SHANK1: variants seen among roughly 807,000 people sequenced by gnomAD.
SHANK1 encodes SH3 and multiple ankyrin repeat domains protein 1.
SHANK1 carries 35 observed loss-of-function variants against 165.6 expected under a neutral mutation model. That is an observed-to-expected ratio of 0.21 (90% CI 0.16 to 0.28). The LOEUF (loss-of-function observed/expected upper bound fraction) is 0.28. SHANK1 is among the 10% of genes least tolerant of loss of function. The probability of loss-of-function intolerance (pLI) is 1.00; values close to 1 mark genes in which losing one functional copy is unlikely to be tolerated. For synonymous variants in SHANK1, 1,428 were observed against 1,384.8 expected (o/e 1.03, Z -0.69); for missense variants, 2,681 against 3,036.4 (o/e 0.88, Z 2.75).
In SHANK1 at chr19:50,697,033, G is replaced by GT. The variant is rs1986762850; in HGVS notation, c.1964+62_1964+63insA. ...TCTGGTCGTGCACACACGTTCACAC[G>GT]CCCCCCAGGCACCCCGTCCTTCCCC... On this transcript the variant is annotated intron_variant, in intron 15 of 23. Coordinates refer to ENST00000293441, the MANE Select transcript of SHANK1 (RefSeq NM_016148.5). The surrounding 1 kb of genome is among the most constrained non-coding windows in gnomAD (Gnocchi z 4.7). 2 of 1,302,716 alleles carry GT rather than the reference G, an allele frequency of 1.5e-6. No homozygotes were observed. Among genetic ancestry groups the GT allele is most frequent in the Non-Finnish European group, 2.2e-6 (2 of 896,628 alleles). The allele number at this position is 1,302,716 out of a possible 1,614,324, so 80.7% of individuals were successfully genotyped here.
At chr19:50,675,487 T>C (rs1257292040) in intron 21 of SHANK1, among the ~76,000 whole-genome samples, 3 of 152,326 alleles carry the variant, frequency 2.0e-5, no homozygotes, top group African/African-American at 7.2e-5. Context: ...GAATTGGGAC[T>C]GTCTGTTTCT....
intron 22 of SHANK1, among the ~76,000 whole-genome samples, chr19:50,671,262 C>A (rs1186544137): frequency 7.2e-6 from 1 of 139,666 alleles, no homozygotes; most frequent in Non-Finnish European, 1.5e-5. Context: ...CGGCTCACTG[C>A]AAGCTCTGCC....
chr19:50,712,260 G>T, intron 6 of SHANK1, 146 bp from the exon 7 acceptor site: 1 of 796,798 alleles, frequency 1.3e-6, no homozygotes. Context: ...ATGCCCTTGT[G>T]CAACCTTGAG....
At position 50,666,797 on chromosome 19, in the gene SHANK1, C is replaced by G; in HGVS notation, c.5163G>C (p.Gly1721=). The G allele has an allele frequency of 6.5e-7, 1 of 1,550,380 alleles. No individual in the cohort carries two copies. The highest frequency in any genetic ancestry group is 2.4e-5 in the East Asian group (1 of 41,166). ...CCACATAGGTGTCCAGAAGCTCCGG[C>G]CCACTGGCCACACCGGCCCCAGCCC... is the stretch of plus-strand genomic sequence containing the variant. ...GGGAGAGVAS[G]PELLDTYVAY... Residue 1721 remains glycine, a synonymous_variant, in exon 23 of 24, where the codon GGG becomes GGC. Transcript: ENST00000293441.
In SHANK1 at chr19:50,666,730, C is replaced by T. The variant is rs371554881; in HGVS notation, c.5230G>A (p.Gly1744Ser). The change falls in exon 23 of 24, where the codon GGC becomes AGC. Residue 1744 changes from glycine to serine, a missense_variant. Gly to Ser is a moderately conservative substitution (Grantham distance 56). Around this residue, in one of 10 missense-constraint regions of SHANK1, gnomAD observed 1,713 missense variants for 1,630.2 expected, o/e 1.05. Coordinates refer to ENST00000293441, the MANE Select transcript of SHANK1 (RefSeq NM_016148.5). ...GQAFGGSSTP[G>S]PPYPPQLMTP... is the part of the protein sequence containing the mutation. ...ATGAGCTGAGGAGGGTATGGCGGGC[C>T]GGGAGTACTGCTGCCCCCAAAGGCC... is the stretch of plus-strand genomic sequence containing the variant. 74 of 1,569,452 alleles carry T rather than the reference C, an allele frequency of 4.7e-5. No individual in the cohort carries two copies. In the African/African-American group the frequency reaches 8.1e-4, roughly 17 times the overall value.
chr19:50,665,352 G>A (rs1488456794), intron 23 of SHANK1, among the ~76,000 whole-genome samples: 2 of 151,874 alleles, frequency 1.3e-5, no homozygotes, highest in Admixed American at 1.3e-4. Context: ...ATCACCTTAG[G>A]TCAGGAGTTC....
At chr19:50,704,325 T>TA (rs2088911503) in intron 9 of SHANK1, 112 bp downstream of exon 9, 2 of 1,330,474 alleles carry the variant, frequency 1.5e-6, no homozygotes, top group Non-Finnish European at 2.2e-6. Context: ...CAGCTCCCCC[T>TA]CCACGGCCTG....
rs902415384 is a variant in SHANK1 at position 50,713,029 on chromosome 19, G to T, written c.792+769C>A. 1.3e-5 allele frequency among the ~76,000 whole-genome samples: 2 copies of T among 152,098 alleles called. No homozygotes were observed. Among genetic ancestry groups the T allele is most frequent in the South Asian group, 2.1e-4 (1 of 4,824 alleles). ...TGAAGAGGATCTGTTAACTCCAGGG[G>T]TATACTGCAGATCTTTGTGGCTGGC... is the stretch of plus-strand genomic sequence containing the variant. On this transcript the variant is annotated intron_variant, in intron 6 of 23. Transcript: ENST00000293441. This position sits in a 1 kb window ranked among gnomAD's most constrained non-coding sequence, Gnocchi z 6.2.
At chr19:50,704,042 T>C in intron 10 of SHANK1, 78 bp downstream of exon 10, 1 of 1,436,702 alleles carries the variant, frequency 7.0e-7, no homozygotes, top group Non-Finnish European at 9.8e-7. Context: ...CCAAGTCAGG[T>C]CCCCCAACTC....
intron 15 of SHANK1, among the ~76,000 whole-genome samples, chr19:50,694,062 C>G (rs1186028338): frequency 6.9e-6 from 1 of 145,630 alleles, no homozygotes; most frequent in Non-Finnish European, 1.5e-5. Flanking sequence ...CACACACACA[C>G]AGTCCCAGAC....
In SHANK1 at chr19:50,713,164, G is replaced by A. The variant is rs114157992; in HGVS notation, c.792+634C>T. On this transcript the variant is annotated intron_variant, in intron 6 of 23. Coordinates refer to ENST00000293441, the MANE Select transcript of SHANK1 (RefSeq NM_016148.5). The surrounding 1 kb of genome is among the most constrained non-coding windows in gnomAD (Gnocchi z 6.2). ...GTGCTTCTCAATGGCTGTCTTTGGG[G>A]GCAGCCCATCCTGACCCTCATGTGA... 3.9e-3 allele frequency among the ~76,000 whole-genome samples: 597 copies of A among 152,272 alleles called. 6 individuals carry two copies. The highest frequency in any genetic ancestry group is 0.014 in the African/African-American group (579 of 41,530).
rs552906733 is a variant in SHANK1, at chr19:50,703,786, G to C, written c.1267C>G (p.Pro423Ala). The change falls in exon 11 of 24, where the codon CCC becomes GCC. Residue 423 changes from proline to alanine, a missense_variant. By Grantham distance (27) the Pro-to-Ala change is conservative (BLOSUM62 -1). Transcript: ENST00000293441. Reference sequence around the variant, plus strand: ...GGCACCGTCAGCCCTGTGCCTGGGGGCCCCCGTCGCCGGGCCGCGTACTTG... The same window carrying C: ...GGCACCGTCAGCCCTGTGCCTGGGGCCCCCCGTCGCCGGGCCGCGTACTTG... ...SPKYAARRRG[P>A]PGTGLTVPPA... The C allele has an allele frequency of 5.6e-6, 8 of 1,428,316 alleles. No individual in the cohort carries two copies. In the East Asian group the frequency reaches 2.0e-4, roughly 37 times the overall value. The allele number at this position is 1,428,316 out of a possible 1,614,324, so 88.5% of individuals were successfully genotyped here.
chr19:50,699,355 G>A (rs758820016), intron 12 of SHANK1, among the ~76,000 whole-genome samples: 1 of 152,224 alleles, frequency 6.6e-6, no homozygotes, highest in African/African-American at 2.4e-5. Flanking sequence ...GGCCAATAGA[G>A]GCATAACTAT....
At position 50,667,185 on chromosome 19, in the gene SHANK1, A is replaced by G; in HGVS notation, c.4775T>C (p.Leu1592Pro). The change falls in exon 23 of 24, where the codon CTG becomes CCG. Residue 1592 changes from leucine (L) to proline (P), a missense_variant. Transcript: ENST00000293441. The surrounding 1 kb of genome is among the most constrained non-coding windows in gnomAD (Gnocchi z 5.7). ...SPLTPGPPHP[L>P]PDTPAPATPL... ...GGTGGCAGGGGCAGGTGTGTCGGGC[A>G]GCGGGTGGGGAGGCCCAGGCGTGAG... 6.4e-7 allele frequency: 1 copy of G among 1,567,990 alleles called. No homozygotes were observed. The highest frequency in any genetic ancestry group is 8.6e-7 in the Non-Finnish European group (1 of 1,164,248).
Position 50,666,448 on chromosome 19 carries a change from G to A in SHANK1, c.5512C>T (p.Leu1838=), listed in dbSNP as rs2123072094. Residue 1838 remains leucine (L), a synonymous_variant, in exon 23 of 24, where the codon CTG becomes TTG. Coordinates refer to ENST00000293441, the MANE Select transcript of SHANK1 (RefSeq NM_016148.5). Reference sequence around the variant, plus strand: ...GGGCCCGGGCCCTCCTCCCAGGGCAGCAGCTTCCGGGGCAGAGAGGAGGCC... The same window carrying A: ...GGGCCCGGGCCCTCCTCCCAGGGCAACAGCTTCCGGGGCAGAGAGGAGGCC... ...PTASSLPRKL[L]PWEEGPGPPP... is the part of the protein sequence containing the mutation. 1.2e-6 allele frequency: 2 copies of A among 1,608,624 alleles called. No individual in the cohort carries two copies. The highest frequency in any genetic ancestry group is 1.7e-4 in the Middle Eastern group (1 of 5,986).
intron 12 of SHANK1, among the ~76,000 whole-genome samples, chr19:50,700,383 G>A (rs1986881702): frequency 6.6e-6 from 1 of 151,528 alleles, no homozygotes; most frequent in Admixed American, 6.6e-5. Context: ...GAGAGCTCAG[G>A]GCATTGGGAG....
rs202040574 is a variant in SHANK1, at chr19:50,662,112, C to T, written c.6339G>A (p.Ala2113=). The T allele has an allele frequency of 4.8e-5, 77 of 1,614,122 alleles. No homozygotes were observed. The highest frequency in any genetic ancestry group is 1.7e-4 in the African/African-American group (13 of 75,060). ...GGTCCAGGAACTGGGCTCGGTGCTC[C>T]GCCAAACCCAGCCACTCCAGCCAAT... is the stretch of plus-strand genomic sequence containing the variant. ...VADWLEWLGL[A]EHRAQFLDHE... is the part of the protein sequence containing the mutation. Residue 2113 remains alanine (A), a synonymous_variant, in exon 24 of 24, where the codon GCG becomes GCA. Transcript: ENST00000293441. The surrounding 1 kb of genome is among the most constrained non-coding windows in gnomAD (Gnocchi z 7.7).
intron 23 of SHANK1, among the ~76,000 whole-genome samples, chr19:50,665,901 C>CGCATGCCTGTAATCCCAGCT (rs1200911536): frequency 1.4e-4 from 21 of 148,780 alleles, no homozygotes; most frequent in African/African-American, 2.5e-4. Context: ...GGTGTGGTGG[C>CGCATGCCTGTAATCCCAGCT]ATGGGAGGCT....
intron 21 of SHANK1, among the ~76,000 whole-genome samples, chr19:50,685,232 G>A (rs1192518603): frequency 6.6e-6 from 1 of 152,214 alleles, no homozygotes; most frequent in African/African-American, 2.4e-5. Flanking sequence ...GCCCAGTGGA[G>A]TAGGGGCAAC....
Sources: allele counts gnomAD v4.1 joint callset (sites outside exome capture counted in the v4.1 genomes callset), GRCh38; gene constraint gnomAD v4.1.1; regional missense constraint gnomAD v4.1.1; non-coding constraint Gnocchi (gnomAD v3.1); transcripts MANE v1.5; gene names NCBI Gene and HGNC (gene_info 2026-07-23, HGNC 2026-07-21).